Variants in BNC2 observed in about 807,000 individuals in gnomAD.
BNC2 encodes the protein zinc finger protein basonuclin-2.
Under a neutral mutation model 76.3 loss-of-function variants are expected in BNC2, and 20 were observed. The ratio of observed to expected loss-of-function variants is 0.26; its 90% CI spans 0.18 to 0.38. BNC2 has a LOEUF of 0.38. Ranked by LOEUF, BNC2 falls within the 10% of genes least tolerant of loss-of-function variation. The pLI is 1.00. For synonymous variants in BNC2, 582 were observed against 514.8 expected, an observed-to-expected ratio of 1.13 and a Z score of -1.77; for missense variants, 1,382 against 1,399.8, an observed-to-expected ratio of 0.99 and a Z score of 0.20.
chr9:16,821,150 T>C (rs1365704047), intron 1 of BNC2, among the ~76,000 whole-genome samples: 1 of 151,490 alleles, frequency 6.6e-6, no homozygotes, highest in Non-Finnish European at 1.5e-5. Context: ...GGAGAATCAC[T>C]TCAACCCAGG....
At chr9:16,470,316 G>A (rs1285643630) in intron 5 of BNC2, among the ~76,000 whole-genome samples, 1 of 152,114 alleles carries the variant, frequency 6.6e-6, no homozygotes, top group Non-Finnish European at 1.5e-5. Context: ...TTTTATAAGG[G>A]AAGCAGAGCA....
At chr9:16,633,829 T>G (rs947252719) in intron 3 of BNC2, among the ~76,000 whole-genome samples, 5 of 152,224 alleles carry the variant, frequency 3.3e-5, no homozygotes, top group African/African-American at 4.8e-5. Context: ...TAAAGAAGAT[T>G]CTTCAATCAA....
At chr9:16,778,261 G>A (rs1826024012) in intron 1 of BNC2, among the ~76,000 whole-genome samples, 1 of 152,110 alleles carries the variant, frequency 6.6e-6, no homozygotes, top group South Asian at 2.1e-4. Flanking sequence ...TCTTTTTAAG[G>A]CAATAAATGA....
At chr9:16,791,296 C>A (rs1263898135) in intron 1 of BNC2, among the ~76,000 whole-genome samples, 1 of 152,012 alleles carries the variant, frequency 6.6e-6, no homozygotes, top group Non-Finnish European at 1.5e-5. Context: ...CTCCTGACAT[C>A]GTGATCCGCC....
At chr9:16,498,918 C>T (rs1234043054) in intron 5 of BNC2, among the ~76,000 whole-genome samples, 1 of 151,986 alleles carries the variant, frequency 6.6e-6, no homozygotes, top group Non-Finnish European at 1.5e-5. Flanking sequence ...TACTGGATAT[C>T]AAATAGTAGA....
intron 1 of BNC2, among the ~76,000 whole-genome samples, chr9:16,784,609 A>C (rs1826233604): frequency 6.6e-6 from 1 of 152,214 alleles, no homozygotes; most frequent in Admixed American, 6.5e-5. Context: ...GAATACAGAG[A>C]GTCTGCAATA....
At chr9:16,737,266 T>G (rs1369928400) in intron 2 of BNC2, among the ~76,000 whole-genome samples, 1 of 148,524 alleles carries the variant, frequency 6.7e-6, no homozygotes, top group African/African-American at 2.5e-5. Flanking sequence ...TTTTTTTCTT[T>G]TTTTGAGACA....
At chr9:16,820,646 C>T (rs981266311) in intron 1 of BNC2, among the ~76,000 whole-genome samples, 1 of 152,070 alleles carries the variant, frequency 6.6e-6, no homozygotes, top group Non-Finnish European at 1.5e-5. Context: ...TTATTCCATA[C>T]TGATGATATC....
intron 3 of BNC2, 189 bp downstream of exon 3, chr9:16,727,608 C>G: frequency 1.7e-6 from 1 of 606,052 alleles, no homozygotes; most frequent in Non-Finnish European, 2.9e-6. Flanking sequence ...TTTAAGACGC[C>G]CTTAGGGAAA....
At position 16,462,235 on chromosome 9, in the gene BNC2, A is replaced by C. The variant is rs1478330091; in HGVS notation, c.670-24711T>G. Among the ~76,000 whole-genome samples, 3 of 152,188 alleles carry C rather than the reference A, an allele frequency of 2.0e-5. No individual in the cohort carries two copies. In the East Asian group the frequency reaches 5.8e-4, roughly 29 times the overall value. On this transcript the variant is annotated intron_variant, in intron 5 of 6. Transcript: ENST00000380672. ...CTCCATCCACCAGCCAAAGAAAAAA[A>C]TTATTAAAGCCAGTTAGAACATGAC...
chr9:16,783,324 C>T (rs1826202628), intron 1 of BNC2, among the ~76,000 whole-genome samples: 1 of 152,140 alleles, frequency 6.6e-6, no homozygotes, highest in Non-Finnish European at 1.5e-5. Flanking sequence ...TTAATCTAAA[C>T]ACAAACATAA....
chr9:16,503,902 T>C (rs529001768), intron 5 of BNC2, among the ~76,000 whole-genome samples: 2 of 152,294 alleles, frequency 1.3e-5, no homozygotes, highest in South Asian at 2.1e-4. Context: ...TTTATGGTGA[T>C]AGTTATTAAG....
intron 3 of BNC2, chr9:16,704,694 A>ATTTT (rs1823612991): frequency 6.7e-6 from 1 of 149,988 alleles, no homozygotes; most frequent in African/African-American, 2.5e-5. Flanking sequence ...TTTTTTTTAA[A>ATTTT]AAAAAAAAAA....
chr9:16,811,362 C>T (rs1437299096), intron 1 of BNC2, among the ~76,000 whole-genome samples: 7 of 151,054 alleles, frequency 4.6e-5, no homozygotes, highest in Non-Finnish European at 8.8e-5. Flanking sequence ...ACAAGCCTGG[C>T]CAACATGGTG....
intron 3 of BNC2, among the ~76,000 whole-genome samples, chr9:16,689,965 C>T (rs1187854067): frequency 6.6e-6 from 1 of 152,172 alleles, no homozygotes; most frequent in Non-Finnish European, 1.5e-5. Context: ...AAACACACTG[C>T]TGCAAAATAA....
intron 1 of BNC2, among the ~76,000 whole-genome samples, chr9:16,799,073 T>C (rs914412824): frequency 1.3e-5 from 2 of 152,196 alleles, no homozygotes; most frequent in Non-Finnish European, 2.9e-5. Flanking sequence ...TGGCCAGTGC[T>C]TGTCTCCTTA....
intron 3 of BNC2, among the ~76,000 whole-genome samples, chr9:16,611,932 A>G (rs562038049): frequency 6.6e-6 from 1 of 152,266 alleles, no homozygotes; most frequent in African/African-American, 2.4e-5. Context: ...TATAAAAATA[A>G]CCTAGTCTCT....
intron 3 of BNC2, among the ~76,000 whole-genome samples, chr9:16,700,758 G>C (rs944569805): frequency 6.6e-6 from 1 of 151,966 alleles, no homozygotes; most frequent in Admixed American, 6.5e-5. Context: ...TCCAGAGTTC[G>C]AAACCAGCCT....
chr9:16,677,293 C>T (rs562309820), intron 3 of BNC2, among the ~76,000 whole-genome samples: 2 of 152,242 alleles, frequency 1.3e-5, no homozygotes, highest in South Asian at 2.1e-4. Flanking sequence ...ACACACATGG[C>T]CAGGCATGGT....
Sources: allele counts gnomAD v4.1 joint callset (sites outside exome capture counted in the v4.1 genomes callset), GRCh38; gene constraint gnomAD v4.1.1; transcripts MANE v1.5; gene names NCBI Gene and HGNC (gene_info 2026-07-23, HGNC 2026-07-21).